STIMATE: variants seen among roughly 807,000 people sequenced by gnomAD.
STIMATE encodes STIM activating enhancer.
Under a neutral mutation model 36.7 loss-of-function variants are expected in STIMATE, and 15 were observed. The observed-to-expected ratio is 0.41, with a 90% confidence interval of 0.27 to 0.63. The LOEUF (loss-of-function observed/expected upper bound fraction) is 0.63, where lower values mean the gene tolerates loss of function less well. STIMATE is among the 20% of genes least tolerant of loss of function. The pLI is 0.32. For synonymous variants in STIMATE, 163 were observed against 162.3 expected (o/e 1.00, Z -0.03); for missense variants, 305 against 397.3 (o/e 0.77, Z 1.98).
Position 52,840,573 on chromosome 3 carries a change from T to C in STIMATE, c.806A>G (p.Asp269Gly), listed in dbSNP as rs1029248360. The change falls in exon 8 of 8, where the codon GAC becomes GGC. Residue 269 changes from aspartate to glycine, a missense_variant. Coordinates refer to ENST00000355083, the MANE Select transcript of STIMATE (RefSeq NM_198563.5). ...CAGTCTGCGGAGGTCCTCCTCCACG[T>C]CGGACTCCTCCATCTCATCATCCGC... ...ISADDEMEES[D>G]VEEDLRRLTP... The C allele has an allele frequency of 6.2e-7, 1 of 1,613,938 alleles. No homozygotes were observed.
At chr3:52,865,883 T>C (rs1481444369) in intron 1 of STIMATE, among the ~76,000 whole-genome samples, 2 of 148,676 alleles carry the variant, frequency 1.3e-5, no homozygotes, top group Non-Finnish European at 3.0e-5. Context: ...TGCACAGATC[T>C]GTGTGTGTGT....
intron 1 of STIMATE, among the ~76,000 whole-genome samples, chr3:52,879,470 T>C (rs932651919): frequency 2.0e-5 from 3 of 152,120 alleles, no homozygotes; most frequent in Admixed American, 6.5e-5. Context: ...ACGCCTCTCC[T>C]CCACTTAGGA....
chr3:52,861,721 G>A (rs1262137562), intron 1 of STIMATE, among the ~76,000 whole-genome samples: 6 of 152,116 alleles, frequency 3.9e-5, no homozygotes, highest in Non-Finnish European at 5.9e-5. Flanking sequence ...CCCCACTCCC[G>A]GGGCTGAGCC....
At chr3:52,880,291 C>T (rs778109349) in intron 1 of STIMATE, among the ~76,000 whole-genome samples, 2 of 152,224 alleles carry the variant, frequency 1.3e-5, no homozygotes, top group African/African-American at 2.4e-5. Flanking sequence ...GACTTAGCTT[C>T]GCACACCTGA....
chr3:52,871,755 C>A (rs938637151), intron 1 of STIMATE, among the ~76,000 whole-genome samples: 11 of 152,178 alleles, frequency 7.2e-5, no homozygotes, highest in African/African-American at 2.7e-4. Flanking sequence ...TGACACAAAT[C>A]TGTCAAAAGT....
At chr3:52,847,618 T>TG (rs5848962) in intron 4 of STIMATE, 1,168,980 of 1,194,802 alleles carry the variant, frequency 0.98, 576,028 homozygotes, top group East Asian at 1. Flanking sequence ...AAGAGAGCTG[T>TG]GGTACCTCTT....
rs1024790822 is a variant in STIMATE at position 52,842,914 on chromosome 3, T to C, written c.665A>G (p.Lys222Arg). 1 of 1,614,234 alleles carries C rather than the reference T, an allele frequency of 6.2e-7. No homozygotes were observed. Among genetic ancestry groups the C allele is most frequent in the Non-Finnish European group, 8.5e-7 (1 of 1,180,054 alleles). ...CCTTTCTTCTAGCTTAGCTTTCGTC[T>C]TCCCCTTTCTCATGAGGAAATTGTC... ...VVDNFLMRKG[K>R]TKAKLEERGA... The change falls in exon 7 of 8, where the codon AAG (lysine) becomes AGG (arginine). Residue 222 changes from lysine to arginine, a missense_variant. Transcript: ENST00000355083.
chr3:52,897,275 G>C lies in STIMATE; in HGVS notation c.160+16C>G. The C allele has an allele frequency of 6.5e-7, 1 of 1,539,836 alleles. No individual in the cohort carries two copies. The highest frequency in any genetic ancestry group is 1.2e-5 in the South Asian group (1 of 84,464). On this transcript the variant is annotated intron_variant, in intron 1 of 7. Transcript: ENST00000355083. ...CCGCGCAGGGCCTCCGGAGGGTCGG[G>C]GGGTCCCAGACTCACGCATTAACGT...
intron 1 of STIMATE, among the ~76,000 whole-genome samples, chr3:52,888,085 G>GA (rs1376256891): frequency 1.5e-5 from 2 of 131,770 alleles, no homozygotes; most frequent in Non-Finnish European, 3.1e-5. Context: ...GCTCTTGACA[G>GA]AAAAAAAACA....
At chr3:52,859,528 A>T (rs1358769298) in intron 1 of STIMATE, among the ~76,000 whole-genome samples, 3 of 108,156 alleles carry the variant, frequency 2.8e-5, no homozygotes, top group Admixed American at 2.2e-4. Flanking sequence ...AAAAAAAAAA[A>T]AAATTTTTTT....
chr3:52,875,106 C>T (rs1701478705), intron 1 of STIMATE, among the ~76,000 whole-genome samples: 1 of 152,154 alleles, frequency 6.6e-6, no homozygotes, highest in South Asian at 2.1e-4. Flanking sequence ...GATGGGAGGT[C>T]CCTGTGCTCC....
intron 4 of STIMATE, among the ~76,000 whole-genome samples, 157 bp downstream of exon 4, chr3:52,849,635 G>A (rs1700964206): frequency 7.4e-5 from 2 of 27,120 alleles, no homozygotes; most frequent in Non-Finnish European, 0.011. Flanking sequence ...ACAGGAGGGT[G>A]TGCTCAAACC....
rs989709535 is a variant in STIMATE, at chr3:52,888,009, T to G, written c.160+9282A>C. Among the ~76,000 whole-genome samples the G allele has an allele frequency of 2.7e-4, 38 of 141,598 alleles. 1 individual carries two copies. Among genetic ancestry groups the G allele is most frequent in the African/African-American group, 9.6e-4 (37 of 38,500 alleles). The allele number at this position is 141,598 out of a possible 152,430, so 92.9% of individuals were successfully genotyped here. A position where few individuals can be genotyped will look rare whatever the true frequency, so the allele number is the denominator to read the frequency against. ...AACAGAATCAGTTTTTTTTTTTTTT[T>G]TTTTTTTTTTTTGCCAGTAATTGAT... On this transcript the variant is annotated intron_variant, in intron 1 of 7. Coordinates refer to ENST00000355083, the MANE Select transcript of STIMATE (RefSeq NM_198563.5).
chr3:52,843,213 G>A, intron 6 of STIMATE: 1 of 620,646 alleles, frequency 1.6e-6, no homozygotes, highest in Non-Finnish European at 2.6e-6. Context: ...TAACTAGGGG[G>A]AACAGCCTGT....
At chr3:52,852,293 T>A (rs1271936410) in intron 3 of STIMATE, among the ~76,000 whole-genome samples, 2 of 152,226 alleles carry the variant, frequency 1.3e-5, no homozygotes, top group Non-Finnish European at 2.9e-5. Flanking sequence ...TATCCTTCCT[T>A]GCCAGGGGCG....
chr3:52,840,255 A>C lies in STIMATE; in HGVS notation c.*239T>G. ...CAGCTCCTTCCTTGCATATTTGGTCAGTGTTTGTAGTGCAACTGAATGGGG... is the reference window on the plus strand; with the variant it reads ...CAGCTCCTTCCTTGCATATTTGGTCCGTGTTTGTAGTGCAACTGAATGGGG... On this transcript the variant is annotated 3_prime_UTR_variant, in exon 8 of 8. Transcript: ENST00000355083. 2.6e-6 allele frequency: 1 copy of C among 382,552 alleles called. No homozygotes were observed. The allele number at this position is 382,552 out of a possible 1,614,324, so 23.7% of individuals were successfully genotyped here.
At position 52,897,271 on chromosome 3, in the gene STIMATE, T is replaced by C; in HGVS notation, c.160+20A>G. ...GCTGCCGCGCAGGGCCTCCGGAGGGTCGGGGGGTCCCAGACTCACGCATTA... is the reference window on the plus strand; with the variant it reads ...GCTGCCGCGCAGGGCCTCCGGAGGGCCGGGGGGTCCCAGACTCACGCATTA... On this transcript the variant is annotated intron_variant, in intron 1 of 7. Transcript: ENST00000355083. 6.5e-7 allele frequency: 1 copy of C among 1,535,652 alleles called. No homozygotes were observed.
chr3:52,885,948 A>G (rs1701682244), intron 1 of STIMATE, among the ~76,000 whole-genome samples: 1 of 152,184 alleles, frequency 6.6e-6, no homozygotes, highest in South Asian at 2.1e-4. Context: ...GGTTGCTTAC[A>G]GAAGATGGGC....
At position 52,844,850 on chromosome 3, in the gene STIMATE, G is replaced by A. The variant is rs1463139045; in HGVS notation, c.519C>T (p.Leu173=). 1 of 1,614,034 alleles carries A rather than the reference G, an allele frequency of 6.2e-7. No homozygotes were observed. Among genetic ancestry groups the A allele is most frequent in the African/African-American group, 1.3e-5 (1 of 74,932 alleles). ...IFEKSVVFIV[L]LILQWKKVAL... ...AAACCTTTTTCCACTGAAGTATTAG[G>A]AGGACGATGAAGACGACAGACTTTT... The change falls in exon 5 of 8, where the codon CTC becomes CTT. Residue 173 remains leucine (L), a synonymous_variant. Transcript: ENST00000355083.
Sources: gnomAD v4.1 joint callset for allele counts (sites outside exome capture counted in the v4.1 genomes callset) on GRCh38, gnomAD v4.1.1 for gene constraint, MANE v1.5 for transcripts, NCBI Gene and HGNC (gene_info 2026-07-23, HGNC 2026-07-21) for gene names.